The following CRK variants were observed in gnomAD, a reference collection of about 807,000 sequenced individuals.
CRK encodes the protein CRK proto-oncogene, adaptor protein.
Under a neutral mutation model 29.8 loss-of-function variants are expected in CRK, and 4 were observed. That is an observed-to-expected ratio of 0.13 (90% CI 0.07 to 0.31). The LOEUF (loss-of-function observed/expected upper bound fraction) is 0.31, where lower values mean the gene tolerates loss of function less well. Among genes scored for constraint, CRK ranks in the 10% least tolerant of loss-of-function variants. CRK has a pLI of 1.00. For synonymous variants in CRK, 153 were observed against 164.9 expected (o/e 0.93, Z 0.55); for missense variants, 274 against 396.5 (o/e 0.69, Z 2.62).
At position 1,443,201 on chromosome 17, in the gene CRK, G is replaced by A. The variant is rs577829896; in HGVS notation, c.242-6046C>T. ...TCACCACGTTGGCAAGGCTGGTCTC[G>A]AACTCCTGACCTCAGGTGATCCCAC... On this transcript the variant is annotated intron_variant, in intron 1 of 2. Transcript: ENST00000300574. 4.0e-5 allele frequency among the ~76,000 whole-genome samples: 6 copies of A among 150,910 alleles called. No individual in the cohort carries two copies. The East Asian group carries it at 9.9e-4, about 25-fold the overall frequency.
At chr17:1,433,231 C>A (rs2073860242) in intron 2 of CRK, among the ~76,000 whole-genome samples, 1 of 152,218 alleles carries the variant, frequency 6.6e-6, no homozygotes, top group Non-Finnish European at 1.5e-5. Flanking sequence ...CATCACAGAA[C>A]TGGTTTTCTT....
At chr17:1,428,853 CT>C (rs557419126) in intron 2 of CRK, among the ~76,000 whole-genome samples, 21 of 144,104 alleles carry the variant, frequency 1.5e-4, no homozygotes, top group Admixed American at 3.5e-4. Flanking sequence ...GATTCTCTCT[CT>C]TTTTTTTTTA....
intron 1 of CRK, among the ~76,000 whole-genome samples, chr17:1,442,980 C>CT (rs932637672): frequency 8.0e-5 from 8 of 100,592 alleles, no homozygotes; most frequent in Admixed American, 4.1e-4. Context: ...ACCTCCCTTT[C>CT]TTTCTTTTTT....
intron 2 of CRK, among the ~76,000 whole-genome samples, chr17:1,424,199 T>C (rs1024006677): frequency 5.9e-5 from 9 of 151,478 alleles, no homozygotes; most frequent in Non-Finnish European, 1.2e-4. Flanking sequence ...CCCGAGTAGC[T>C]GGGACTACAG....
chr17:1,445,938 T>C (rs538437226), intron 1 of CRK, among the ~76,000 whole-genome samples: 1 of 152,342 alleles, frequency 6.6e-6, no homozygotes, highest in East Asian at 1.9e-4. Flanking sequence ...CTAATTTTTA[T>C]ATTTTTAGAA....
intron 2 of CRK, among the ~76,000 whole-genome samples, chr17:1,434,737 C>A (rs971998047): frequency 6.9e-6 from 1 of 145,614 alleles, no homozygotes; most frequent in African/African-American, 2.5e-5. Context: ...GAGCCGAGAT[C>A]GTGCCATTGC....
In CRK at chr17:1,449,144, T is replaced by C. The variant is rs9903534; in HGVS notation, c.241+6733A>G. Among the ~76,000 whole-genome samples the C allele has an allele frequency of 5.1e-3, 781 of 152,190 alleles. 6 individuals carry two copies. Among genetic ancestry groups the C allele is most frequent in the African/African-American group, 0.018 (750 of 41,524 alleles). ...TAGCTTCTGTCCCACGCCTTCAAAA[T>C]GAAGCACGTTTTATGCCCCCCTCCA... is the stretch of plus-strand genomic sequence containing the variant. On this transcript the variant is annotated intron_variant, in intron 1 of 2. Transcript: ENST00000300574.
chr17:1,436,445 A>C (rs1221878835), intron 2 of CRK, among the ~76,000 whole-genome samples, 175 bp downstream of exon 2: 3 of 152,186 alleles, frequency 2.0e-5, no homozygotes, highest in Non-Finnish European at 4.4e-5. Context: ...ACTCATTCCC[A>C]AACAGGTTTT....
chr17:1,451,053 G>C (rs1474566797), intron 1 of CRK, among the ~76,000 whole-genome samples: 1 of 150,974 alleles, frequency 6.6e-6, no homozygotes, highest in Non-Finnish European at 1.5e-5. Flanking sequence ...TTAGCCGGGC[G>C]TGGTGGCGGG....
intron 1 of CRK, among the ~76,000 whole-genome samples, chr17:1,440,415 A>T (rs2073925457): frequency 6.6e-6 from 1 of 152,068 alleles, no homozygotes; most frequent in African/African-American, 2.4e-5. Context: ...CTGAGCCATG[A>T]TCGTGTCAAC....
chr17:1,426,063 C>T (rs763671236), intron 2 of CRK, among the ~76,000 whole-genome samples: 2 of 150,606 alleles, frequency 1.3e-5, no homozygotes, highest in African/African-American at 5.0e-5. Flanking sequence ...CCAAGCGTGG[C>T]CAAGCGTGCT....
chr17:1,422,153 TTC>T lies in CRK; in HGVS notation c.*1358_*1359del, dbSNP rs1491461893. On this transcript the variant is annotated 3_prime_UTR_variant, in exon 3 of 3. Coordinates refer to ENST00000300574, the MANE Select transcript of CRK (RefSeq NM_016823.4). Reference sequence around the variant, plus strand: ...TTCACAATTGGTTCAACATTTTTTTTTCTTTTTTTTTTCCTTTTTTTTTTTTT... The same window carrying T: ...TTCACAATTGGTTCAACATTTTTTTTTTTTTTTTTTCCTTTTTTTTTTTTT... 3.3e-5 allele frequency: 5 copies of T among 151,818 alleles called. No homozygotes were observed. Among genetic ancestry groups the T allele is most frequent in the East Asian group, 1.9e-4 (1 of 5,200 alleles). The allele number at this position is 151,818 out of a possible 1,614,324, so 9.4% of individuals were successfully genotyped here. A position where few individuals can be genotyped will look rare whatever the true frequency, so the allele number is the denominator to read the frequency against.
chr17:1,455,947 G>C lies in CRK; in HGVS notation c.171C>G (p.Val57=), dbSNP rs745890859. Residue 57 remains valine (V), a synonymous_variant, in exon 1 of 3, where the codon GTC becomes GTG. Coordinates refer to ENST00000300574, the MANE Select transcript of CRK (RefSeq NM_016823.4). ...CGCTGCTGTTGATGATGTAGTGGGA[G>C]ACGCGCGAGTTCTCTGAGACGCTGA... The part of the protein sequence containing the change: ...YVLSVSENSR[V]SHYIINSSGP... The C allele has an allele frequency of 2.5e-6, 4 of 1,602,026 alleles. No homozygotes were observed. In the Admixed American group the frequency reaches 5.1e-5, roughly 20 times the overall value.
At chr17:1,437,552 G>A (rs998217221) in intron 1 of CRK, among the ~76,000 whole-genome samples, 3 of 152,066 alleles carry the variant, frequency 2.0e-5, no homozygotes, top group South Asian at 2.1e-4. Context: ...TGATCAGGAC[G>A]TGCTCTCATA....
rs147811799 is a variant in CRK at position 1,430,653 on chromosome 17, C to T, written c.777+5967G>A. On this transcript the variant is annotated intron_variant, in intron 2 of 2. Transcript: ENST00000300574. ...GTGCTGGGATTACAGGCGTGAGCCACCACACCCAGCCTGATTCTGATTTTT... is the reference window on the plus strand; with the variant it reads ...GTGCTGGGATTACAGGCGTGAGCCATCACACCCAGCCTGATTCTGATTTTT... Among the ~76,000 whole-genome samples the T allele has an allele frequency of 2.6e-3, 397 of 151,390 alleles. 8 individuals are homozygous for T. Among genetic ancestry groups the T allele is most frequent in the East Asian group, 5.7e-3 (29 of 5,046 alleles).
In CRK at chr17:1,448,514, T is replaced by C. The variant is rs578174741; in HGVS notation, c.241+7363A>G. ...GGTGCACGCCTGTAGTCCCAGCTGC[T>C]GGGGAGGCTGAGGCAGGAGAACTGC... On this transcript the variant is annotated intron_variant, in intron 1 of 2. Coordinates refer to ENST00000300574, the MANE Select transcript of CRK (RefSeq NM_016823.4). 5.5e-5 allele frequency among the ~76,000 whole-genome samples: 8 copies of C among 145,670 alleles called. No homozygotes were observed. In the South Asian group the frequency reaches 1.7e-3, roughly 32 times the overall value.
At chr17:1,439,290 G>A (rs550609995) in intron 1 of CRK, among the ~76,000 whole-genome samples, 1 of 152,140 alleles carries the variant, frequency 6.6e-6, no homozygotes, top group South Asian at 2.1e-4. Context: ...ATAGAGACGG[G>A]GTTTTACCGT....
chr17:1,429,886 G>A (rs552987080), intron 2 of CRK, among the ~76,000 whole-genome samples: 7 of 151,638 alleles, frequency 4.6e-5, no homozygotes, highest in Middle Eastern at 3.4e-3. Context: ...AGCTACAACT[G>A]GGCACCCTTG....
chr17:1,445,490 G>A (rs112813065), intron 1 of CRK, among the ~76,000 whole-genome samples: 13 of 152,330 alleles, frequency 8.5e-5, no homozygotes, highest in South Asian at 4.1e-4. Flanking sequence ...CAAAAGTTCC[G>A]AGGGCAGGAC....
Sources: gnomAD v4.1 joint callset for allele counts (sites outside exome capture counted in the v4.1 genomes callset) on GRCh38, gnomAD v4.1.1 for gene constraint, MANE v1.5 for transcripts, NCBI Gene and HGNC (gene_info 2026-07-23, HGNC 2026-07-21) for gene names.